Variants in GLT1D1 observed in about 807,000 individuals in gnomAD.
GLT1D1 encodes glycosyltransferase 1 domain containing 1.
A neutral mutation model predicts 28.7 loss-of-function variants in GLT1D1; 21 were observed. That is an observed-to-expected ratio of 0.73 (90% CI 0.52 to 1.05). GLT1D1 has a LOEUF of 1.05. GLT1D1 is among the 50% of genes least tolerant of loss of function. The probability of loss-of-function intolerance (pLI) is 0.00; values close to 1 mark genes in which losing one functional copy is unlikely to be tolerated. For missense variants in GLT1D1, 343 were observed against 330.6 expected (o/e 1.04, Z -0.29); for synonymous variants, 147 against 124.8 (o/e 1.18, Z -1.19).
At chr12:128,884,419 T>C (rs1409746632) in intron 2 of GLT1D1, among the ~76,000 whole-genome samples, 1 of 152,080 alleles carries the variant, frequency 6.6e-6, no homozygotes, top group African/African-American at 2.4e-5. Context: ...TAGGGAAACG[T>C]TGGTCAAAAA....
rs1282576057 is a variant in GLT1D1 at position 128,867,401 on chromosome 12, AAAAAAAAAAAAAAAACAG to A, written c.69-8500_69-8483del. 1.5e-3 allele frequency among the ~76,000 whole-genome samples: 213 copies of A among 144,940 alleles called. 1 individual carries two copies. Among genetic ancestry groups the A allele is most frequent in the Non-Finnish European group, 2.3e-3 (151 of 66,408 alleles). On this transcript the variant is annotated intron_variant, in intron 1 of 7. Transcript: ENST00000281703. Reference sequence around the variant, plus strand: ...AACAAGAGTGAAACTCCTTCTCAAAAAAAAAAAAAAAAAAACAGAAAAAAAAAAAAGGAAAAGAAAAAA... The same window carrying A: ...AACAAGAGTGAAACTCCTTCTCAAAAAAAAAAAAAAAAGGAAAAGAAAAAA...
At position 128,970,886 on chromosome 12, in the gene GLT1D1, T is replaced by C. The variant is rs7969504; in HGVS notation, c.640-12043T>C. Among the ~76,000 whole-genome samples, 991 of 152,344 alleles carry C rather than the reference T, an allele frequency of 6.5e-3. 12 individuals carry two copies. Among genetic ancestry groups the C allele is most frequent in the African/African-American group, 0.023 (937 of 41,586 alleles). ...GAGGGCAGCAGTCAGGCATGTTTACTCATCAGCTGTCCCTCGCAGGGACTC... is the reference window on the plus strand; with the variant it reads ...GAGGGCAGCAGTCAGGCATGTTTACCCATCAGCTGTCCCTCGCAGGGACTC... On this transcript the variant is annotated intron_variant, in intron 7 of 7. Transcript: ENST00000281703.
chr12:128,879,695 T>C (rs1956991195), intron 2 of GLT1D1, among the ~76,000 whole-genome samples: 2 of 152,094 alleles, frequency 1.3e-5, no homozygotes, highest in Non-Finnish European at 2.9e-5. Context: ...GGCTTAAAGT[T>C]GTTTGCCCGC....
intron 3 of GLT1D1, among the ~76,000 whole-genome samples, chr12:128,895,031 T>C (rs1048865235): frequency 6.6e-6 from 1 of 152,052 alleles, no homozygotes; most frequent in Non-Finnish European, 1.5e-5. Flanking sequence ...TCTTTTGACA[T>C]GCTCTCATCA....
intron 4 of GLT1D1, 44 bp downstream of exon 6, chr12:128,915,033 T>C (rs1222325218): frequency 1.4e-6 from 2 of 1,438,728 alleles, no homozygotes; most frequent in East Asian, 4.9e-5. Context: ...GAAGTGCATC[T>C]TGTCAGTTAC....
chr12:128,982,672 G>A (rs1880437940), intron 7 of GLT1D1, among the ~76,000 whole-genome samples: 1 of 152,080 alleles, frequency 6.6e-6, no homozygotes, highest in Non-Finnish European at 1.5e-5. Context: ...CCCAGCATAT[G>A]TGTGCGTGTG....
At chr12:128,931,740 A>G (rs1873914564) in intron 4 of GLT1D1, among the ~76,000 whole-genome samples, 1 of 152,186 alleles carries the variant, frequency 6.6e-6, no homozygotes. Context: ...TTGTCCCTGC[A>G]GGGCCGGGAG....
chr12:128,901,220 A>T (rs1198364016), intron 4 of GLT1D1, among the ~76,000 whole-genome samples: 2 of 152,184 alleles, frequency 1.3e-5, no homozygotes. Context: ...AGTTTCACTT[A>T]AAAATGTCCC....
At chr12:128,920,284 C>T (rs147609246) in intron 4 of GLT1D1, among the ~76,000 whole-genome samples, 257 of 152,242 alleles carry the variant, frequency 1.7e-3, no homozygotes, top group African/African-American at 5.9e-3. Flanking sequence ...CAGTGGCTCA[C>T]GCCTGTAATC....
intron 7 of GLT1D1, among the ~76,000 whole-genome samples, chr12:128,963,463 A>T (rs915364927): frequency 2.0e-5 from 3 of 152,108 alleles, no homozygotes; most frequent in African/African-American, 7.2e-5. Context: ...CCTGAGTGAC[A>T]TGGTGAATCC....
At chr12:128,881,605 A>T (rs1369205161) in intron 2 of GLT1D1, among the ~76,000 whole-genome samples, 2 of 128,268 alleles carry the variant, frequency 1.6e-5, no homozygotes, top group African/African-American at 5.8e-5. Context: ...AAATTTATAG[A>T]TATAGATACA....
At chr12:128,948,961 G>A (rs1876412127) in intron 6 of GLT1D1, among the ~76,000 whole-genome samples, 1 of 152,164 alleles carries the variant, frequency 6.6e-6, no homozygotes, top group African/African-American at 2.4e-5. Flanking sequence ...AGAGCACAAA[G>A]TGTGAGTTTG....
In GLT1D1 at chr12:128,905,531, C is replaced by T. The variant is rs370576285; in HGVS notation, c.375+6244C>T. 8.5e-5 allele frequency among the ~76,000 whole-genome samples: 13 copies of T among 152,358 alleles called. 1 individual carries two copies. The highest frequency in any genetic ancestry group is 2.0e-4 in the Admixed American group (3 of 15,304). On this transcript the variant is annotated intron_variant, in intron 4 of 7. Coordinates refer to ENST00000281703, the MANE Select transcript of GLT1D1 (RefSeq NM_144669.3). ...TTGTCTTGGGAGCTGGGTTTATGAT[C>T]GCCTACCTATCTCTGGCTGACCTTC...
intron 2 of GLT1D1, among the ~76,000 whole-genome samples, chr12:128,879,426 C>CTTTCTTTCTTTCT (rs1566096600): frequency 9.9e-6 from 1 of 100,670 alleles, no homozygotes; most frequent in African/African-American, 4.2e-5. Context: ...TTCTTTCTTT[C>CTTTCTTTCTTTCT]TTTCTTTCTT....
At chr12:128,973,875 G>A (rs1399024457) in intron 7 of GLT1D1, among the ~76,000 whole-genome samples, 2 of 149,410 alleles carry the variant, frequency 1.3e-5, no homozygotes, top group African/African-American at 2.5e-5. Flanking sequence ...CAGGTTTCCC[G>A]TGTGTGTGTG....
chr12:128,926,174 A>C (rs899969086), intron 4 of GLT1D1, among the ~76,000 whole-genome samples, 185 bp from the exon 7 acceptor site: 9 of 149,114 alleles, frequency 6.0e-5, no homozygotes, highest in Non-Finnish European at 1.2e-4. Flanking sequence ...AGCCTGGACA[A>C]CAGAGCAAGA....
intron 7 of GLT1D1, among the ~76,000 whole-genome samples, chr12:128,974,106 G>A (rs1047114528): frequency 7.2e-5 from 11 of 152,086 alleles, no homozygotes; most frequent in Non-Finnish European, 1.0e-4. Context: ...TGATCTGTGC[G>A]TGTGGAGGGG....
chr12:128,956,160 A>AG (rs1877264946), intron 6 of GLT1D1, among the ~76,000 whole-genome samples: 1 of 75,760 alleles, frequency 1.3e-5, no homozygotes, highest in South Asian at 4.7e-4. Flanking sequence ...CTCCATCTCA[A>AG]AAAAAAAAAA....
At chr12:128,874,086 TTCTTTCTTTCTTTCTCTCTC>T (rs1462825760) in intron 1 of GLT1D1, among the ~76,000 whole-genome samples, 2 of 17,842 alleles carry the variant, frequency 1.1e-4, no homozygotes, top group African/African-American at 1.9e-4. Context: ...CTTTCTTTCT[TTCTTTCTTTCTTTCTCTCTC>T]TCTCTCTCTC....
Sources: allele counts gnomAD v4.1 joint callset (sites outside exome capture counted in the v4.1 genomes callset), GRCh38; gene constraint gnomAD v4.1.1; transcripts MANE v1.5; gene names NCBI Gene and HGNC (gene_info 2026-07-23, HGNC 2026-07-21).